JCAD: variants seen among roughly 807,000 people sequenced by gnomAD.
JCAD encodes junctional cadherin 5 associated, also known as junctional cadherin 5-associated protein.
In JCAD, 40 loss-of-function variants were observed where a neutral mutation model predicts 98.0. The observed-to-expected ratio is 0.41, with a 90% CI of 0.32 to 0.53. The LOEUF is 0.53. Among genes scored for constraint, JCAD ranks in the 20% least tolerant of loss-of-function variants. The probability of loss-of-function intolerance (pLI) is 0.31; values close to 1 mark genes in which losing one functional copy is unlikely to be tolerated. For missense variants in JCAD, 1,705 were observed against 1,738.1 expected (o/e 0.98, Z 0.34); for synonymous variants, 691 against 682.3 (o/e 1.01, Z -0.20).
chr10:30,091,623 T>C (rs1218326895), intron 1 of JCAD, among the ~76,000 whole-genome samples: 1 of 152,024 alleles, frequency 6.6e-6, no homozygotes, highest in African/African-American at 2.4e-5. Context: ...TAGAGAATTG[T>C]TTTAAATAAG....
At chr10:30,063,162 A>AC (rs1837728216), upstream of JCAD, among the ~76,000 whole-genome samples, 2 of 151,388 alleles carry the variant, frequency 1.3e-5, no homozygotes, top group South Asian at 4.2e-4. Flanking sequence ...GAAAAAAAAA[A>AC]AAACTCGCTT....
chr10:30,081,599 T>G (rs1451044672), intron 1 of JCAD, among the ~76,000 whole-genome samples: 1 of 152,082 alleles, frequency 6.6e-6, no homozygotes, highest in African/African-American at 2.4e-5. Flanking sequence ...GCCTGGCTAA[T>G]TTTTGTATTT....
At chr10:30,021,102 A>G (rs2132603445) in intron 3 of JCAD, among the ~76,000 whole-genome samples, 1 of 151,962 alleles carries the variant, frequency 6.6e-6, no homozygotes, top group East Asian at 1.9e-4. Context: ...CAGGCACACT[A>G]GAGACACCTC....
intron 1 of JCAD, among the ~76,000 whole-genome samples, chr10:30,095,862 A>G (rs1838359133): frequency 1.3e-5 from 2 of 152,208 alleles, no homozygotes; most frequent in Non-Finnish European, 2.9e-5. Flanking sequence ...ATAAAAAATG[A>G]CCACATTAGT....
At chr10:30,051,491 C>T (rs1320021149) in intron 1 of JCAD, among the ~76,000 whole-genome samples, 3 of 151,954 alleles carry the variant, frequency 2.0e-5, no homozygotes, top group Non-Finnish European at 4.4e-5. Context: ...ATAAAGCCTG[C>T]TGTATGAAAC....
intron 1 of JCAD, among the ~76,000 whole-genome samples, chr10:30,057,237 G>A (rs1242665949): frequency 6.6e-6 from 1 of 152,198 alleles, no homozygotes; most frequent in Admixed American, 6.5e-5. Context: ...AAGGATGACT[G>A]GTGTTTACTG....
chr10:30,016,837 A>G lies in JCAD; in HGVS notation c.*1046T>C, dbSNP rs1205716556. On this transcript the variant is annotated 3_prime_UTR_variant, in exon 4 of 4. Coordinates refer to ENST00000375377, the MANE Select transcript of JCAD (RefSeq NM_020848.4). Reference sequence around the variant, plus strand: ...ATAACCTGATAGCTACACTTGTACAAAAATCTTTGTGAAAAGTTTCTTTTA... The same window carrying G: ...ATAACCTGATAGCTACACTTGTACAGAAATCTTTGTGAAAAGTTTCTTTTA... The G allele has an allele frequency of 6.6e-6, 1 of 152,232 alleles. No homozygotes were observed. Among genetic ancestry groups the G allele is most frequent in the Admixed American group, 6.5e-5 (1 of 15,288 alleles). 9.4% of individuals were successfully genotyped at this position (152,232 alleles called of 1,614,324 possible). A position where few individuals can be genotyped will look rare whatever the true frequency, so the allele number is the denominator to read the frequency against.
chr10:30,027,845 G>C lies in JCAD; in HGVS notation c.2303C>G (p.Ser768Cys). The C allele has an allele frequency of 6.2e-7, 1 of 1,614,274 alleles. No individual in the cohort carries two copies. The highest frequency in any genetic ancestry group is 8.5e-7 in the Non-Finnish European group (1 of 1,180,052). ...CGTCGGTGCCTGGTCCACGGACAAG[G>C]AAGTCCTTGAGAACGCACTGTTGCT... ...PSSNSAFSRT[S>C]LSVDQAPTPK... is the part of the protein sequence containing the mutation. Residue 768 changes from serine (S) to cysteine (C), a missense_variant, in exon 3 of 4, where the codon TCC (serine) becomes TGC (cysteine). By Grantham distance (112) the Ser-to-Cys change is moderately radical. Transcript: ENST00000375377.
chr10:30,066,147 A>C (rs1295956349), intron 2 of JCAD, among the ~76,000 whole-genome samples: 1 of 152,196 alleles, frequency 6.6e-6, no homozygotes, highest in Non-Finnish European at 1.5e-5. Context: ...ATGGAGAGTC[A>C]CATAGCAACA....
At chr10:30,020,314 G>A (rs562741574) in intron 3 of JCAD, among the ~76,000 whole-genome samples, 15 of 126,266 alleles carry the variant, frequency 1.2e-4, no homozygotes, top group African/African-American at 4.3e-4. Flanking sequence ...GCAACAGAGT[G>A]AGACTCGGTC....
At chr10:30,020,296 C>T (rs1002127321) in intron 3 of JCAD, among the ~76,000 whole-genome samples, 6 of 137,166 alleles carry the variant, frequency 4.4e-5, no homozygotes, top group African/African-American at 1.7e-4. Flanking sequence ...CACTGCACTC[C>T]AGCTTGGGCA....
At chr10:30,041,618 C>T (rs1186768225) in intron 2 of JCAD, among the ~76,000 whole-genome samples, 2 of 152,152 alleles carry the variant, frequency 1.3e-5, no homozygotes, top group African/African-American at 2.4e-5. Flanking sequence ...CCCTAGGTTG[C>T]TAAGTCTCTC....
upstream of JCAD, among the ~76,000 whole-genome samples, chr10:30,063,879 C>T (rs1025291677): frequency 6.6e-6 from 1 of 151,676 alleles, no homozygotes; most frequent in African/African-American, 2.4e-5. Flanking sequence ...GTGATCTCGG[C>T]TTACTGCAAC....
chr10:30,019,395 T>G (rs1260195856), intron 3 of JCAD, among the ~76,000 whole-genome samples: 1 of 147,990 alleles, frequency 6.8e-6, no homozygotes, highest in African/African-American at 2.5e-5. Context: ...AGAAATTGTA[T>G]ATACACACAC....
chr10:30,044,135 C>T (rs1837291170), intron 2 of JCAD, among the ~76,000 whole-genome samples: 1 of 152,112 alleles, frequency 6.6e-6, no homozygotes, highest in African/African-American at 2.4e-5. Context: ...TCATGAGATA[C>T]CACCACCTTG....
At position 30,027,308 on chromosome 10, in the gene JCAD, G is replaced by A; in HGVS notation, c.2840C>T (p.Ser947Leu). ...CTCTGCACTCGTGCTTCCATCTGCT[G>A]AGCAGAAAGGTGCACCGCCACCTTC... ...VEEGGGAPFC[S>L]ADGSTSAEKR... The change falls in exon 3 of 4, where the codon TCA becomes TTA. Residue 947 changes from serine to leucine, a missense_variant. Coordinates refer to ENST00000375377, the MANE Select transcript of JCAD (RefSeq NM_020848.4). The A allele has an allele frequency of 6.2e-7, 1 of 1,613,980 alleles. No individual in the cohort carries two copies. The highest frequency in any genetic ancestry group is 8.5e-7 in the Non-Finnish European group (1 of 1,180,050).
chr10:30,050,339 A>G lies in JCAD; in HGVS notation c.-59-2468T>C, dbSNP rs572938559. 4.4e-3 allele frequency among the ~76,000 whole-genome samples: 643 copies of G among 145,914 alleles called. 10 individuals carry two copies. The South Asian group carries it at 0.048, about 11-fold the overall frequency. On this transcript the variant is annotated intron_variant, in intron 1 of 3. Coordinates refer to ENST00000375377, the MANE Select transcript of JCAD (RefSeq NM_020848.4). ...CAAAAAAAAAAAAAAAAAAAAAAAA[A>G]AAAGAAAGAAAGAAAAGAAATTAAT... is the stretch of plus-strand genomic sequence containing the variant.
chr10:30,095,660 T>A (rs1008376131), intron 1 of JCAD, among the ~76,000 whole-genome samples: 1 of 152,242 alleles, frequency 6.6e-6, no homozygotes, highest in African/African-American at 2.4e-5. Context: ...GAACTCCCAG[T>A]CCTGATCACA....
intron 2 of JCAD, among the ~76,000 whole-genome samples, chr10:30,042,688 G>A (rs1479750120): frequency 6.6e-6 from 1 of 152,118 alleles, no homozygotes; most frequent in African/African-American, 2.4e-5. Context: ...AATCCAGGGG[G>A]ACACCTTCTC....
Sources: allele counts gnomAD v4.1 joint callset (sites outside exome capture counted in the v4.1 genomes callset), GRCh38; gene constraint gnomAD v4.1.1; transcripts MANE v1.5; gene names NCBI Gene and HGNC (gene_info 2026-07-23, HGNC 2026-07-21).